SWT1: variants seen among roughly 807,000 people sequenced by gnomAD.
The protein encoded by SWT1 is transcriptional protein SWT1.
In SWT1, 33 loss-of-function variants were observed where a neutral mutation model predicts 107.3. The ratio of observed to expected loss-of-function variants is 0.31; its 90% CI spans 0.23 to 0.41. The LOEUF (loss-of-function observed/expected upper bound fraction) is 0.41. SWT1 is among the 10% of genes least tolerant of loss of function. SWT1 has a pLI of 1.00. For synonymous variants in SWT1, 345 were observed against 348.3 expected (o/e 0.99, Z 0.11); for missense variants, 898 against 1,028.9 (o/e 0.87, Z 1.74).
At position 185,166,486 on chromosome 1, in the gene SWT1, T is replaced by A. The variant is rs1654579286; in HGVS notation, c.85-86T>A. ...TTCATTATTGAATGTAAATGTTGAT[T>A]TGTAATACTAGTGATGAAATAGTTC... On this transcript the variant is annotated intron_variant, in intron 2 of 18. Coordinates refer to ENST00000367500, the MANE Select transcript of SWT1 (RefSeq NM_017673.7). 3 of 814,710 alleles carry A rather than the reference T, an allele frequency of 3.7e-6. No homozygotes were observed. The South Asian group carries it at 5.8e-5, about 16-fold the overall frequency. The allele number at this position is 814,710 out of a possible 1,614,324, so 50.5% of individuals were successfully genotyped here. A position where few individuals can be genotyped will look rare whatever the true frequency, so the allele number is the denominator to read the frequency against.
chr1:185,246,471 C>A (rs898985812), intron 16 of SWT1, among the ~76,000 whole-genome samples: 5 of 151,796 alleles, frequency 3.3e-5, no homozygotes, highest in Non-Finnish European at 2.9e-5. Flanking sequence ...GAGACCAGGT[C>A]TTGCCATGTT....
chr1:185,183,231 C>T (rs1410461713), intron 7 of SWT1, among the ~76,000 whole-genome samples: 1 of 151,432 alleles, frequency 6.6e-6, no homozygotes, highest in Admixed American at 6.6e-5. Flanking sequence ...TCAAAATGGT[C>T]CTATGCAATA....
chr1:185,281,514 C>A, intron 18 of SWT1: 1 of 207,240 alleles, frequency 4.8e-6, no homozygotes, highest in Non-Finnish European at 9.8e-6. Context: ...GGCAAGCTAC[C>A]CATAAACCAT....
At chr1:185,176,286 C>CAAAAAA (rs71101962) in intron 5 of SWT1, among the ~76,000 whole-genome samples, 1 of 47,256 alleles carries the variant, frequency 2.1e-5, no homozygotes, top group African/African-American at 1.0e-4. Flanking sequence ...ACCTTGTCTC[C>CAAAAAA]AAAAAAAAAA....
chr1:185,200,024 G>A (rs566087971), intron 10 of SWT1, among the ~76,000 whole-genome samples: 5 of 151,508 alleles, frequency 3.3e-5, no homozygotes, highest in East Asian at 2.0e-4. Flanking sequence ...CCTTTCTTCC[G>A]CTTGATCGGT....
intron 2 of SWT1, among the ~76,000 whole-genome samples, chr1:185,163,543 G>A (rs540641588): frequency 4.6e-5 from 7 of 152,004 alleles, no homozygotes; most frequent in Non-Finnish European, 7.4e-5. Flanking sequence ...ACAGGCACCC[G>A]CCACCATGCC....
intron 12 of SWT1, among the ~76,000 whole-genome samples, chr1:185,205,250 G>C (rs1171114677): frequency 6.6e-6 from 1 of 152,162 alleles, no homozygotes; most frequent in Non-Finnish European, 1.5e-5. Flanking sequence ...CCATGTAAAT[G>C]TAAGAATCAG....
intron 16 of SWT1, among the ~76,000 whole-genome samples, chr1:185,257,324 T>G (rs61824144): frequency 6.6e-6 from 1 of 151,976 alleles, no homozygotes; most frequent in South Asian, 2.1e-4. Context: ...TCGAGCTTCC[T>G]GGCTGCTTTG....
chr1:185,157,662 G>A (rs1157415919), intron 1 of SWT1: 2 of 152,350 alleles, frequency 1.3e-5, no homozygotes, highest in African/African-American at 4.8e-5. Context: ...CCTACACCGT[G>A]ACCCGAACAC....
At chr1:185,243,931 T>G (rs774898448) in intron 16 of SWT1, among the ~76,000 whole-genome samples, 33 of 152,284 alleles carry the variant, frequency 2.2e-4, no homozygotes, top group Non-Finnish European at 4.0e-4. Flanking sequence ...TATTTAAACC[T>G]TATTGATAAA....
rs145779023 is a variant in SWT1, at chr1:185,217,743, G to A, written c.2121+3088G>A. ...CCCAAGTAGCTGGGATTACAGGCAC[G>A]TCCTACCACACCTGGCTAATTTTTG... On this transcript the variant is annotated intron_variant, in intron 14 of 18. Transcript: ENST00000367500. 3.6e-3 allele frequency among the ~76,000 whole-genome samples: 543 copies of A among 152,016 alleles called. 4 individuals carry two copies. Among genetic ancestry groups the A allele is most frequent in the African/African-American group, 0.012 (501 of 41,458 alleles).
At position 185,214,544 on chromosome 1, in the gene SWT1, G is replaced by T; in HGVS notation, c.2010G>T (p.Leu670Phe). ...KAVDFTTVKF[L>F]LQDSRSLLHA... ...TGGATTTTACAACAGTCAAATTCTT[G>T]CTTCAGGATTCTAGAAGTTTGTTAC... The change falls in exon 14 of 19, where the codon TTG becomes TTT. Residue 670 changes from leucine (L) to phenylalanine (F), a missense_variant. Leu to Phe is a conservative substitution (Grantham distance 22). Transcript: ENST00000367500. The T allele has an allele frequency of 6.2e-7, 1 of 1,609,562 alleles. No individual in the cohort carries two copies. Among genetic ancestry groups the T allele is most frequent in the East Asian group, 2.2e-5 (1 of 44,594 alleles).
intron 5 of SWT1, chr1:185,176,860 T>C (rs1655605199): frequency 2.6e-6 from 1 of 377,624 alleles, no homozygotes; most frequent in East Asian, 1.6e-4. Flanking sequence ...GGCAGGCACC[T>C]GTAGTCCCAG....
intron 16 of SWT1, among the ~76,000 whole-genome samples, chr1:185,249,282 T>G (rs1024723774): frequency 6.6e-6 from 1 of 152,168 alleles, no homozygotes; most frequent in Non-Finnish European, 1.5e-5. Flanking sequence ...AATCATATAG[T>G]GTCATTTCCC....
rs188997649 is a variant in SWT1, at chr1:185,233,989, C to G, written c.2441+2281C>G. 3.3e-5 allele frequency among the ~76,000 whole-genome samples: 5 copies of G among 152,270 alleles called. No individual in the cohort carries two copies. The East Asian group carries it at 9.7e-4, about 29-fold the overall frequency. The stretch of plus-strand genomic sequence containing the variant: ...TCGATCTCCTGACCTCATGATCCAC[C>G]CCCCTCAGCCTCCCAAAGTGCTGGG... On this transcript the variant is annotated intron_variant, in intron 16 of 18. Transcript: ENST00000367500.
At chr1:185,225,485 G>A (rs964799942) in intron 15 of SWT1, among the ~76,000 whole-genome samples, 4 of 152,118 alleles carry the variant, frequency 2.6e-5, no homozygotes, top group African/African-American at 9.7e-5. Context: ...AGGAAAATTG[G>A]TATTAATTTT....
intron 9 of SWT1, among the ~76,000 whole-genome samples, chr1:185,189,720 A>C (rs1656782550): frequency 6.6e-6 from 1 of 152,088 alleles, no homozygotes; most frequent in Non-Finnish European, 1.5e-5. Context: ...TATGCTATGT[A>C]AATTCTAGAT....
chr1:185,172,873 G>A lies in SWT1; in HGVS notation c.225-1499G>A, dbSNP rs375913790. On this transcript the variant is annotated intron_variant, in intron 4 of 18. Coordinates refer to ENST00000367500, the MANE Select transcript of SWT1 (RefSeq NM_017673.7). ...ATCCTGGCCAACATGATGAAACCCC[G>A]TCTCTACTAAAATACAAAAAACTAG... Among the ~76,000 whole-genome samples the A allele has an allele frequency of 1.4e-3, 211 of 151,814 alleles. 2 individuals carry two copies. Among genetic ancestry groups the A allele is most frequent in the African/African-American group, 5.0e-3 (208 of 41,448 alleles).
intron 16 of SWT1, among the ~76,000 whole-genome samples, chr1:185,242,196 A>G (rs1661297130): frequency 6.6e-6 from 1 of 152,162 alleles, no homozygotes; most frequent in Non-Finnish European, 1.5e-5. Flanking sequence ...TGGTATCTAT[A>G]TTGCAGTTTG....
Sources: gnomAD v4.1 joint callset for allele counts (sites outside exome capture counted in the v4.1 genomes callset) on GRCh38, gnomAD v4.1.1 for gene constraint, MANE v1.5 for transcripts, NCBI Gene and HGNC (gene_info 2026-07-23, HGNC 2026-07-21) for gene names.